The following THRB variants were observed in gnomAD, a reference collection of about 807,000 sequenced individuals.
THRB encodes nuclear receptor subfamily 1 group A member 2.
THRB carries 12 observed loss-of-function variants against 47.8 expected under a neutral mutation model. The observed-to-expected ratio is 0.25, with a 90% CI of 0.16 to 0.41. The LOEUF (loss-of-function observed/expected upper bound fraction) is 0.41. Ranked by LOEUF, THRB falls within the 10% of genes least tolerant of loss-of-function variation. The pLI, the probability that THRB is intolerant of heterozygous loss-of-function variation, is 1.00. For missense variants in THRB, 348 were observed against 589.2 expected, an observed-to-expected ratio of 0.59 and a Z score of 4.24; for synonymous variants, 218 against 212.2, an observed-to-expected ratio of 1.03 and a Z score of -0.24.
chr3:24,274,337 G>C (rs1397918950), intron 3 of THRB, among the ~76,000 whole-genome samples: 1 of 152,034 alleles, frequency 6.6e-6, no homozygotes, highest in Non-Finnish European at 1.5e-5. Context: ...AGAACGTTCA[G>C]AACAGAAAAC....
intron 3 of THRB, among the ~76,000 whole-genome samples, chr3:24,257,876 T>C (rs2051468625): frequency 6.6e-6 from 1 of 152,238 alleles, no homozygotes; most frequent in African/African-American, 2.4e-5. Flanking sequence ...CAGCCATTCA[T>C]TCAGCTTCAG....
At chr3:24,376,334 G>A (rs980027074) in intron 1 of THRB, among the ~76,000 whole-genome samples, 3 of 152,132 alleles carry the variant, frequency 2.0e-5, no homozygotes, top group African/African-American at 7.2e-5. Flanking sequence ...TGCAACCTGG[G>A]GAAGTGGAAC....
At chr3:24,379,368 A>G (rs981860964) in intron 1 of THRB, among the ~76,000 whole-genome samples, 2 of 152,196 alleles carry the variant, frequency 1.3e-5, no homozygotes, top group African/African-American at 4.8e-5. Context: ...TTGAGCTCCC[A>G]TAAGGGAGAG....
chr3:24,451,782 G>T (rs1033171527), intron 1 of THRB, among the ~76,000 whole-genome samples: 1 of 152,168 alleles, frequency 6.6e-6, no homozygotes, highest in African/African-American at 2.4e-5. Context: ...TAAGCACAAA[G>T]CTGACCTTTA....
chr3:24,454,675 A>G (rs939656883), intron 1 of THRB, among the ~76,000 whole-genome samples: 2 of 152,194 alleles, frequency 1.3e-5, no homozygotes, highest in African/African-American at 4.8e-5. Flanking sequence ...ACTTCCTCAT[A>G]TAGAATTTAT....
At chr3:24,421,362 A>AT (rs2069243666) in intron 1 of THRB, among the ~76,000 whole-genome samples, 1 of 81,620 alleles carries the variant, frequency 1.2e-5, no homozygotes, top group Non-Finnish European at 3.2e-5. Context: ...AAGTCACATT[A>AT]AAAAAAAAAA....
At chr3:24,197,956 G>A (rs1159101993) in intron 4 of THRB, among the ~76,000 whole-genome samples, 1 of 152,158 alleles carries the variant, frequency 6.6e-6, no homozygotes, top group Admixed American at 6.5e-5. Flanking sequence ...GTATCTCAAG[G>A]CCATCTTTCT....
chr3:24,243,075 A>AGG (rs2049728311), intron 3 of THRB, among the ~76,000 whole-genome samples: 1 of 122,664 alleles, frequency 8.2e-6, no homozygotes. Flanking sequence ...TTTGAAAAAA[A>AGG]AAAAAAAAAA....
At chr3:24,264,698 A>G (rs886820482) in intron 3 of THRB, among the ~76,000 whole-genome samples, 4 of 152,142 alleles carry the variant, frequency 2.6e-5, no homozygotes, top group Non-Finnish European at 4.4e-5. Flanking sequence ...TTCCAGGTAG[A>G]TTAAAAACTT....
intron 8 of THRB, among the ~76,000 whole-genome samples, chr3:24,138,793 T>C (rs2035040905): frequency 6.6e-6 from 1 of 152,144 alleles, no homozygotes; most frequent in East Asian, 1.9e-4. Flanking sequence ...GCTGCCCCAA[T>C]TGAGTGTGTG....
chr3:24,443,890 G>A (rs541143737), intron 1 of THRB, among the ~76,000 whole-genome samples: 1 of 152,154 alleles, frequency 6.6e-6, no homozygotes. Context: ...ACAATTCTAA[G>A]AGGAGGAGGT....
chr3:24,388,697 A>G (rs2066322523), intron 1 of THRB, among the ~76,000 whole-genome samples: 1 of 152,014 alleles, frequency 6.6e-6, no homozygotes, highest in Non-Finnish European at 1.5e-5. Flanking sequence ...CCCTACTGGC[A>G]CCCTTCATTT....
chr3:24,212,715 C>T (rs1005329582), intron 4 of THRB, among the ~76,000 whole-genome samples: 6 of 152,078 alleles, frequency 3.9e-5, no homozygotes, highest in Non-Finnish European at 7.4e-5. Flanking sequence ...AGAACACAAC[C>T]GTCCATCAGC....
Position 24,460,952 on chromosome 3 carries a change from CAGAAGT to C in THRB, c.-261+33694_-261+33699del, listed in dbSNP as rs557739019. On this transcript the variant is annotated intron_variant, in intron 1 of 10. Transcript: ENST00000646209. ...AAGCCTGGAAAGTTGTAAAGCCCCC[CAGAAGT>C]ATAAGAGCCTCACTGGTCAATTGTA... Among the ~76,000 whole-genome samples, 28 of 152,242 alleles carry C rather than the reference CAGAAGT, an allele frequency of 1.8e-4. 1 individual carries two copies. The South Asian group carries it at 4.6e-3, about 25-fold the overall frequency.
chr3:24,390,269 T>G (rs1443537747), intron 1 of THRB, among the ~76,000 whole-genome samples: 1 of 152,096 alleles, frequency 6.6e-6, no homozygotes, highest in African/African-American at 2.4e-5. Flanking sequence ...CAATCCCCAC[T>G]CTCCAGCTGA....
In THRB at chr3:24,122,249, T is replaced by TCAC. The variant is rs1257560437; in HGVS notation, c.*632_*634dup. On this transcript the variant is annotated 3_prime_UTR_variant, in exon 11 of 11. Coordinates refer to ENST00000646209, the MANE Select transcript of THRB (RefSeq NM_001354712.2). ...CAGTCAATACCTGCACATCCTTGAG[T>TCAC]CACACCTTTGTATAACTTGAATTAA... 6.4e-6 allele frequency: 1 copy of TCAC among 155,448 alleles called. No homozygotes were observed. The highest frequency in any genetic ancestry group is 1.4e-5 in the Non-Finnish European group (1 of 69,888). The allele number at this position is 155,448 out of a possible 1,614,324, so 9.6% of individuals were successfully genotyped here.
At chr3:24,361,982 A>G (rs1406738655) in intron 1 of THRB, among the ~76,000 whole-genome samples, 1 of 152,118 alleles carries the variant, frequency 6.6e-6, no homozygotes, top group Non-Finnish European at 1.5e-5. Flanking sequence ...CAAAATAAAT[A>G]CCACTAGTAA....
intron 7 of THRB, among the ~76,000 whole-genome samples, chr3:24,145,444 G>C (rs1415692788): frequency 6.6e-6 from 1 of 152,086 alleles, no homozygotes; most frequent in African/African-American, 2.4e-5. Flanking sequence ...CTTCTCAATA[G>C]AACACTGAAA....
chr3:24,195,296 TAAAATTA>T (rs2043826362), intron 4 of THRB, among the ~76,000 whole-genome samples: 1 of 152,220 alleles, frequency 6.6e-6, no homozygotes, highest in African/African-American at 2.4e-5. Flanking sequence ...ACAAGGAACC[TAAAATTA>T]AGAGAAGCAC....
Sources: gnomAD v4.1 joint callset for allele counts (sites outside exome capture counted in the v4.1 genomes callset) on GRCh38, gnomAD v4.1.1 for gene constraint, MANE v1.5 for transcripts, NCBI Gene and HGNC (gene_info 2026-07-23, HGNC 2026-07-21) for gene names.